Variants in FCHO2 observed in about 807,000 individuals in gnomAD.
The protein encoded by FCHO2 is F-BAR domain only protein 2.
FCHO2 carries 43 observed loss-of-function variants against 114.1 expected under a neutral mutation model. The ratio of observed to expected loss-of-function variants is 0.38; its 90% CI spans 0.30 to 0.49. The LOEUF (loss-of-function observed/expected upper bound fraction) is 0.49, where lower values mean the gene tolerates loss of function less well. FCHO2 is among the 20% of genes least tolerant of loss of function. FCHO2 has a pLI of 0.97. For missense variants in FCHO2, 807 were observed against 950.4 expected (o/e 0.85, Z 1.98); for synonymous variants, 293 against 315.2 (o/e 0.93, Z 0.75).
intron 11 of FCHO2, among the ~76,000 whole-genome samples, chr5:73,049,026 G>C (rs1401320865): frequency 6.6e-6 from 1 of 150,892 alleles, no homozygotes; most frequent in Non-Finnish European, 1.5e-5. Context: ...ACAGGCGCCC[G>C]CTACCACGCC....
At chr5:73,002,454 A>T (rs528985767) in intron 5 of FCHO2, among the ~76,000 whole-genome samples, 1 of 152,326 alleles carries the variant, frequency 6.6e-6, no homozygotes, top group East Asian at 1.9e-4. Flanking sequence ...CTATTAGGTT[A>T]TAAATTTCTT....
intron 1 of FCHO2, among the ~76,000 whole-genome samples, chr5:72,958,043 GTT>G (rs567866910): frequency 1.4e-5 from 2 of 142,756 alleles, no homozygotes; most frequent in African/African-American, 5.1e-5. Context: ...AGTTGTAAGA[GTT>G]TTTTTTTTTT....
intron 18 of FCHO2, among the ~76,000 whole-genome samples, chr5:73,066,981 A>G (rs1409600891): frequency 6.6e-6 from 1 of 152,078 alleles, no homozygotes; most frequent in African/African-American, 2.4e-5. Flanking sequence ...AATGGAATTC[A>G]TTGTAATATA....
chr5:73,084,463 G>A (rs950236079), intron 24 of FCHO2, among the ~76,000 whole-genome samples: 5 of 151,800 alleles, frequency 3.3e-5, no homozygotes, highest in African/African-American at 1.2e-4. Context: ...ACAGGGTTTC[G>A]CCATGTTGGC....
chr5:73,002,802 G>A lies in FCHO2; in HGVS notation c.496-3643G>A, dbSNP rs889223510. Among the ~76,000 whole-genome samples, 3 of 152,170 alleles carry A rather than the reference G, an allele frequency of 2.0e-5. No homozygotes were observed. In the East Asian group the frequency reaches 5.8e-4, roughly 29 times the overall value. On this transcript the variant is annotated intron_variant, in intron 5 of 25. Coordinates refer to ENST00000430046, the MANE Select transcript of FCHO2 (RefSeq NM_138782.3). ...TCTTCAAGAAGCTTTCTTTTTCTTG[G>A]AGAGCCAAGACATATTAAATAGTAC...
chr5:73,081,694 TG>T, intron 22 of FCHO2, 88 bp from the exon 23 acceptor site: 1 of 942,622 alleles, frequency 1.1e-6, no homozygotes, highest in Non-Finnish European at 1.5e-6. Context: ...TTTGATTTTG[TG>T]GACTTACATG....
chr5:73,022,301 T>G (rs1755669917), intron 8 of FCHO2, among the ~76,000 whole-genome samples: 1 of 152,214 alleles, frequency 6.6e-6, no homozygotes, highest in South Asian at 2.1e-4. Flanking sequence ...TCAGTGTTTT[T>G]CTTAAAGTAT....
chr5:73,089,557 TA>T lies in FCHO2; in HGVS notation c.*1469del, dbSNP rs1743419940. ...CCTAACTTTAGTAGCAAATCTTGAT[TA>T]ATTGAAGAAATAAAATATTTCGGAT... On this transcript the variant is annotated 3_prime_UTR_variant, in exon 26 of 26. Transcript: ENST00000430046. 6.6e-6 allele frequency: 1 copy of T among 152,486 alleles called. No homozygotes were observed. 9.4% of individuals were successfully genotyped at this position (152,486 alleles called of 1,614,324 possible). A position where few individuals can be genotyped will look rare whatever the true frequency, so the allele number is the denominator to read the frequency against.
At chr5:72,998,709 C>T (rs1194335147) in intron 5 of FCHO2, among the ~76,000 whole-genome samples, 3 of 149,190 alleles carry the variant, frequency 2.0e-5, no homozygotes, top group Non-Finnish European at 4.4e-5. Flanking sequence ...CCTAGTATGC[C>T]GTGACCACTC....
At chr5:73,071,565 G>A (rs1278976622) in intron 19 of FCHO2, among the ~76,000 whole-genome samples, 1 of 151,952 alleles carries the variant, frequency 6.6e-6, no homozygotes, top group Middle Eastern at 3.2e-3. Flanking sequence ...ATCTAAATAT[G>A]TAACAAACCA....
chr5:73,039,541 C>T (rs1049682123), intron 10 of FCHO2, among the ~76,000 whole-genome samples: 1 of 152,238 alleles, frequency 6.6e-6, no homozygotes, highest in South Asian at 2.1e-4. Flanking sequence ...TCAGATTATG[C>T]ATAAGTTTAG....
At chr5:73,021,595 G>A (rs189554420) in intron 8 of FCHO2, among the ~76,000 whole-genome samples, 27 of 152,132 alleles carry the variant, frequency 1.8e-4, no homozygotes, top group African/African-American at 5.1e-4. Flanking sequence ...TAAAGAGCCC[G>A]GTTATTATCT....
chr5:73,009,371 A>G (rs1187707544), intron 6 of FCHO2, among the ~76,000 whole-genome samples: 1 of 152,250 alleles, frequency 6.6e-6, no homozygotes, highest in Admixed American at 6.5e-5. Flanking sequence ...TAAAATTGGA[A>G]TAAACAGAGT....
At chr5:73,015,828 C>T (rs986742752) in intron 7 of FCHO2, 104 bp downstream of exon 7, 11 of 518,664 alleles carry the variant, frequency 2.1e-5, no homozygotes, top group East Asian at 3.5e-5. Context: ...AGTATAATAC[C>T]GAATTTTTCC....
chr5:73,037,080 A>G (rs1220603304), intron 9 of FCHO2, 63 bp from the exon 10 acceptor site: 4 of 1,168,586 alleles, frequency 3.4e-6, no homozygotes, highest in Non-Finnish European at 4.8e-6. Context: ...AGATGTATCC[A>G]TAAGTTTAAT....
chr5:73,039,851 C>T (rs1454545874), intron 10 of FCHO2, among the ~76,000 whole-genome samples: 1 of 151,576 alleles, frequency 6.6e-6, no homozygotes, highest in Non-Finnish European at 1.5e-5. Context: ...TTGCTTGAAC[C>T]TGGAAGGCCG....
At chr5:73,012,975 C>T (rs975909533) in intron 6 of FCHO2, among the ~76,000 whole-genome samples, 4 of 152,104 alleles carry the variant, frequency 2.6e-5, no homozygotes, top group South Asian at 2.1e-4. Context: ...ACAGTTTCCT[C>T]GGAATTAAGG....
At chr5:73,036,895 A>G (rs748266958) in intron 9 of FCHO2, among the ~76,000 whole-genome samples, 1 of 152,176 alleles carries the variant, frequency 6.6e-6, no homozygotes, top group Non-Finnish European at 1.5e-5. Flanking sequence ...GGCTTAGGAA[A>G]AGAAAAGAAA....
intron 6 of FCHO2, 149 bp downstream of exon 6, chr5:73,006,698 C>G (rs1754738413): frequency 3.7e-6 from 2 of 546,962 alleles, no homozygotes; most frequent in Non-Finnish European, 6.2e-6. Context: ...ATACATGTCG[C>G]GTTTTGGAGA....
Sources: allele counts gnomAD v4.1 joint callset (sites outside exome capture counted in the v4.1 genomes callset), GRCh38; gene constraint gnomAD v4.1.1; transcripts MANE v1.5; gene names NCBI Gene and HGNC (gene_info 2026-07-23, HGNC 2026-07-21).